ARAP2: variants seen among roughly 807,000 people sequenced by gnomAD.
The protein encoded by ARAP2 is arf-GAP with Rho-GAP domain, ANK repeat and PH domain-containing protein 2.
Under a neutral mutation model 194.5 loss-of-function variants are expected in ARAP2, and 148 were observed. That is an observed-to-expected ratio of 0.76 (90% CI 0.67 to 0.87). The LOEUF is 0.87. Among genes scored for constraint, ARAP2 ranks in the 40% least tolerant of loss-of-function variants. ARAP2 has a pLI of 0.00. For synonymous variants in ARAP2, 695 were observed against 683.5 expected, an observed-to-expected ratio of 1.02 and a Z score of -0.26; for missense variants, 2,128 against 1,989.7, an observed-to-expected ratio of 1.07 and a Z score of -1.32.
intron 2 of ARAP2, among the ~76,000 whole-genome samples, chr4:36,226,520 C>A (rs1750349370): frequency 6.6e-6 from 1 of 151,132 alleles, no homozygotes; most frequent in African/African-American, 2.4e-5. Flanking sequence ...CCCCCCCCCA[C>A]ATAATTTAGT....
intron 1 of ARAP2, among the ~76,000 whole-genome samples, chr4:36,059,246 A>G (rs1169260078): frequency 6.6e-6 from 1 of 152,176 alleles, no homozygotes; most frequent in Non-Finnish European, 1.5e-5. Flanking sequence ...AGCTATTAGG[A>G]GAAGAGACAT....
chr4:36,021,523 T>C (rs1302951381), intron 5 of ARAP2, among the ~76,000 whole-genome samples: 1 of 152,188 alleles, frequency 6.6e-6, no homozygotes, highest in African/African-American at 2.4e-5. Flanking sequence ...TCTGCCTCCT[T>C]CACTCCTGAT....
chr4:36,191,750 T>C (rs1411085469), intron 7 of ARAP2, among the ~76,000 whole-genome samples: 2 of 152,090 alleles, frequency 1.3e-5, no homozygotes, highest in Non-Finnish European at 2.9e-5. Flanking sequence ...AAGCCTGTCA[T>C]TTATCTACCA....
At chr4:36,098,889 T>A (rs535002647) in intron 27 of ARAP2, among the ~76,000 whole-genome samples, 2 of 152,130 alleles carry the variant, frequency 1.3e-5, no homozygotes, top group Non-Finnish European at 2.9e-5. Context: ...CTCTTTTTTT[T>A]ATTTATCAAC....
At chr4:36,224,779 T>A (rs997793644) in intron 2 of ARAP2, among the ~76,000 whole-genome samples, 1 of 152,150 alleles carries the variant, frequency 6.6e-6, no homozygotes, top group African/African-American at 2.4e-5. Context: ...TTCATAGAAT[T>A]TAAAAAGCAT....
intron 1 of ARAP2, among the ~76,000 whole-genome samples, chr4:36,239,774 T>C (rs554811912): frequency 6.6e-6 from 1 of 152,362 alleles, no homozygotes; most frequent in South Asian, 2.1e-4. Context: ...ATGTGTTATT[T>C]TTACCCAGTA....
intron 5 of ARAP2, among the ~76,000 whole-genome samples, chr4:36,030,599 C>T (rs1168314381): frequency 6.6e-6 from 1 of 152,060 alleles, no homozygotes; most frequent in African/African-American, 2.4e-5. Context: ...CCCTTTTGAG[C>T]TACTTTTAAG....
At chr4:36,171,704 C>A (rs1736684485) in intron 9 of ARAP2, among the ~76,000 whole-genome samples, 1 of 151,848 alleles carries the variant, frequency 6.6e-6, no homozygotes, top group African/African-American at 2.4e-5. Flanking sequence ...GAATGCCTGG[C>A]ATGCAGTAAG....
chr4:36,019,672 T>C (rs1050214123), intron 5 of ARAP2, among the ~76,000 whole-genome samples: 2 of 151,826 alleles, frequency 1.3e-5, no homozygotes, highest in Non-Finnish European at 2.9e-5. Context: ...CAGTCAAAGG[T>C]AGATCAAAGG....
intron 5 of ARAP2, among the ~76,000 whole-genome samples, chr4:36,037,817 C>T (rs1720195278): frequency 6.6e-6 from 1 of 152,138 alleles, no homozygotes; most frequent in Admixed American, 6.6e-5. Context: ...AACCAATAGT[C>T]TCTTCAAGGT....
At chr4:36,144,335 A>G (rs1729099085) in intron 19 of ARAP2, among the ~76,000 whole-genome samples, 1 of 151,906 alleles carries the variant, frequency 6.6e-6, no homozygotes, top group African/African-American at 2.4e-5. Context: ...AGTAGCAGTT[A>G]GTAGGCATTC....
At chr4:36,167,243 G>A (rs1440399843) in intron 9 of ARAP2, among the ~76,000 whole-genome samples, 196 bp from the exon 10 acceptor site, 2 of 152,036 alleles carry the variant, frequency 1.3e-5, no homozygotes, top group Non-Finnish European at 2.9e-5. Flanking sequence ...TAGCGTATGG[G>A]TTTCTTCCAT....
rs11431961 is a variant in ARAP2 at position 36,160,651 on chromosome 4, CA to C, written c.2260-11del. 1.0e-4 allele frequency: 120 copies of C among 1,166,988 alleles called. No individual in the cohort carries two copies. Among genetic ancestry groups the C allele is most frequent in the South Asian group, 2.8e-4 (11 of 39,236 alleles). 72.3% of individuals were successfully genotyped at this position (1,166,988 alleles called of 1,614,324 possible). A position where few individuals can be genotyped will look rare whatever the true frequency, so the allele number is the denominator to read the frequency against. On this transcript the variant is annotated splice_polypyrimidine_tract_variant and intron_variant, in intron 12 of 32. Coordinates refer to ENST00000303965, the MANE Select transcript of ARAP2 (RefSeq NM_015230.4). ...CAATGACAATAAAAAGCTGAATTGTCAAAAAAAAAACCCCATAATATATCAG... is the reference window on the plus strand; with the variant it reads ...CAATGACAATAAAAAGCTGAATTGTCAAAAAAAAACCCCATAATATATCAG...
At position 36,177,965 on chromosome 4, in the gene ARAP2, C is replaced by T. The variant is rs1381081937; in HGVS notation, c.1719G>A (p.Leu573=). ...ACTGCGAGGTAAGGGATTGTGATTT[C>T]AGTGCATTTAATAGTATGCTGATCC... is the stretch of plus-strand genomic sequence containing the variant. The part of the protein sequence containing the change: ...NDWISILLNA[L]KSQSLTSQSQ... The change falls in exon 9 of 33, where the codon CTG becomes CTA. Residue 573 remains leucine (L), a synonymous_variant. Coordinates refer to ENST00000303965, the MANE Select transcript of ARAP2 (RefSeq NM_015230.4). 3 of 1,612,316 alleles carry T rather than the reference C, an allele frequency of 1.9e-6. No individual in the cohort carries two copies. In the African/African-American group the frequency reaches 4.0e-5, roughly 22 times the overall value.
chr4:36,103,442 G>T (rs1221257297), intron 27 of ARAP2, among the ~76,000 whole-genome samples: 1 of 151,240 alleles, frequency 6.6e-6, no homozygotes, highest in Non-Finnish European at 1.5e-5. Context: ...TAGATATGTT[G>T]AAGTTCAGTA....
intron 2 of ARAP2, among the ~76,000 whole-genome samples, chr4:36,218,944 A>T (rs749008495): frequency 8.5e-5 from 13 of 152,226 alleles, no homozygotes; most frequent in Non-Finnish European, 1.9e-4. Flanking sequence ...ACCAAAGAAG[A>T]TATAAATGTA....
chr4:36,053,922 G>A (rs1346437274), intron 2 of ARAP2, among the ~76,000 whole-genome samples: 1 of 152,128 alleles, frequency 6.6e-6, no homozygotes, highest in East Asian at 1.9e-4. Flanking sequence ...CCGTGTAGTA[G>A]ATACACAACA....
At chr4:36,197,694 G>A (rs1164250153) in intron 6 of ARAP2, among the ~76,000 whole-genome samples, 1 of 152,196 alleles carries the variant, frequency 6.6e-6, no homozygotes, top group Admixed American at 6.5e-5. Flanking sequence ...AAGTGAGCAT[G>A]GGGTCCAGCC....
chr4:36,074,510 G>A (rs1158332066), intron 31 of ARAP2, among the ~76,000 whole-genome samples: 1 of 152,006 alleles, frequency 6.6e-6, no homozygotes, highest in African/African-American at 2.4e-5. Flanking sequence ...AAGCTCTGGA[G>A]TGATTCATCT....
Sources: allele counts gnomAD v4.1 joint callset (sites outside exome capture counted in the v4.1 genomes callset), GRCh38; gene constraint gnomAD v4.1.1; transcripts MANE v1.5; gene names NCBI Gene and HGNC (gene_info 2026-07-23, HGNC 2026-07-21).